The following TMEM184B variants were observed in gnomAD, a reference collection of about 807,000 sequenced individuals.
The protein encoded by TMEM184B is transmembrane protein 184B.
In TMEM184B, 17 loss-of-function variants were observed where a neutral mutation model predicts 41.8. The observed-to-expected ratio is 0.41, with a 90% CI of 0.28 to 0.61. TMEM184B has a LOEUF of 0.61. Ranked by LOEUF, TMEM184B falls within the 20% of genes least tolerant of loss-of-function variation. TMEM184B has a pLI of 0.34. For synonymous variants in TMEM184B, 240 were observed against 229.5 expected, an observed-to-expected ratio of 1.05 and a Z score of -0.41; for missense variants, 393 against 557.8, an observed-to-expected ratio of 0.70 and a Z score of 2.98.
intron 8 of TMEM184B, chr22:38,222,850 G>A (rs1029597022): frequency 1.6e-5 from 4 of 249,012 alleles, no homozygotes; most frequent in Non-Finnish European, 2.6e-5. Flanking sequence ...AGCTCCAGGT[G>A]CCTCCTGGGG....
At chr22:38,235,832 G>C (rs1414552977) in intron 3 of TMEM184B, among the ~76,000 whole-genome samples, 1 of 152,228 alleles carries the variant, frequency 6.6e-6, no homozygotes, top group Non-Finnish European at 1.5e-5. Context: ...GTGCGTGGAT[G>C]TAAGAAGAGC....
chr22:38,244,778 C>G (rs1304646455), intron 3 of TMEM184B, among the ~76,000 whole-genome samples: 1 of 152,174 alleles, frequency 6.6e-6, no homozygotes, highest in East Asian at 1.9e-4. Flanking sequence ...CTTGAGGAAC[C>G]CCTCCTCTCC....
At chr22:38,254,919 T>C (rs1389108258) in intron 1 of TMEM184B, among the ~76,000 whole-genome samples, 1 of 151,556 alleles carries the variant, frequency 6.6e-6, no homozygotes, top group African/African-American at 2.4e-5. Context: ...TGGCACCATC[T>C]TGGCTCACTG....
At chr22:38,230,626 C>T (rs749279750) in intron 5 of TMEM184B, 43 bp downstream of exon 5, 50 of 1,577,584 alleles carry the variant, frequency 3.2e-5, no homozygotes, top group South Asian at 5.7e-5. Flanking sequence ...TCCCAGACCC[C>T]GCCCTGCTCC....
chr22:38,263,884 A>G (rs2145775148), intron 1 of TMEM184B, among the ~76,000 whole-genome samples: 1 of 152,324 alleles, frequency 6.6e-6, no homozygotes, highest in South Asian at 2.1e-4. Flanking sequence ...AGCTCACTGC[A>G]ATCTTTGCCT....
Position 38,220,223 on chromosome 22 carries a change from G to C in TMEM184B, c.*1246C>G. 2.0e-6 allele frequency: 2 copies of C among 985,906 alleles called. No individual in the cohort carries two copies. The highest frequency in any genetic ancestry group is 2.4e-6 in the Non-Finnish European group (2 of 830,058). 61.1% of individuals were successfully genotyped at this position (985,906 alleles called of 1,614,324 possible). On this transcript the variant is annotated 3_prime_UTR_variant, in exon 9 of 9. Transcript: ENST00000361906. ...CCAGGTCTAGAGGTGTGGAGGGGGAGAGGAGGGGCTTGGTGGTCCTGACCA... is the reference window on the plus strand; with the variant it reads ...CCAGGTCTAGAGGTGTGGAGGGGGACAGGAGGGGCTTGGTGGTCCTGACCA...
In TMEM184B at chr22:38,221,729, G is replaced by C; in HGVS notation, c.983-19C>G. ...CAGCGGCCTGCCGGGCAGGGAGCGG[G>C]AGGGGCAGGTGAGGAGGCTGGGACG... On this transcript the variant is annotated intron_variant, in intron 8 of 8. Coordinates refer to ENST00000361906, the MANE Select transcript of TMEM184B (RefSeq NM_012264.5). The C allele has an allele frequency of 1.2e-6, 2 of 1,612,162 alleles. No homozygotes were observed. Among genetic ancestry groups the C allele is most frequent in the Non-Finnish European group, 1.7e-6 (2 of 1,179,540 alleles).
chr22:38,263,689 G>A (rs1400823641), intron 1 of TMEM184B, among the ~76,000 whole-genome samples: 1 of 152,220 alleles, frequency 6.6e-6, no homozygotes, highest in East Asian at 1.9e-4. Context: ...AGAGCTGCCG[G>A]TGAAAGTATA....
chr22:38,223,442 C>G (rs1173874765), intron 8 of TMEM184B: 3 of 152,550 alleles, frequency 2.0e-5, no homozygotes, highest in African/African-American at 7.2e-5. Context: ...ACTGGGCCAC[C>G]AGGTGGCAAC....
intron 1 of TMEM184B, 165 bp downstream of exon 1, chr22:38,272,719 T>C: frequency 1.0e-6 from 1 of 984,946 alleles, no homozygotes; most frequent in Non-Finnish European, 1.2e-6. Flanking sequence ...GGATGCCCCC[T>C]CCCTCCGCGG....
At chr22:38,266,675 T>C (rs1056925186) in intron 1 of TMEM184B, among the ~76,000 whole-genome samples, 2 of 152,378 alleles carry the variant, frequency 1.3e-5, no homozygotes, top group Non-Finnish European at 2.9e-5. Context: ...AGATAACGTG[T>C]GTTCATGCCT....
chr22:38,217,664 C>T (rs545830156), downstream of TMEM184B, among the ~76,000 whole-genome samples: 1 of 140,812 alleles, frequency 7.1e-6, no homozygotes, highest in Non-Finnish European at 1.6e-5. Flanking sequence ...AAAAACAAAA[C>T]AAAAAACAGA....
intron 3 of TMEM184B, among the ~76,000 whole-genome samples, chr22:38,240,127 G>A (rs1421873195): frequency 6.6e-6 from 1 of 151,986 alleles, no homozygotes; most frequent in Non-Finnish European, 1.5e-5. Flanking sequence ...AATAGCCAAG[G>A]ATACTGATAT....
intron 1 of TMEM184B, among the ~76,000 whole-genome samples, chr22:38,251,694 A>G (rs2092166339): frequency 1.3e-5 from 2 of 152,190 alleles, no homozygotes; most frequent in Admixed American, 1.3e-4. Context: ...CAGGTCCCAC[A>G]GGCAAGCAGG....
rs761446839 is a variant in TMEM184B, at chr22:38,224,775, T to G, written c.982+10A>C. Reference sequence around the variant, plus strand: ...TCCCAGCGGGGGTCGCCTAGGACCCTGGCTCATACCTTGTGCGTCCAGCCT... The same window carrying G: ...TCCCAGCGGGGGTCGCCTAGGACCCGGGCTCATACCTTGTGCGTCCAGCCT... On this transcript the variant is annotated intron_variant, in intron 8 of 8. Coordinates refer to ENST00000361906, the MANE Select transcript of TMEM184B (RefSeq NM_012264.5). 6.3e-7 allele frequency: 1 copy of G among 1,579,862 alleles called. No homozygotes were observed. The highest frequency in any genetic ancestry group is 1.7e-5 in the Admixed American group (1 of 57,272).
intron 3 of TMEM184B, among the ~76,000 whole-genome samples, chr22:38,237,289 A>G (rs949038415): frequency 6.6e-6 from 1 of 152,218 alleles, no homozygotes; most frequent in Non-Finnish European, 1.5e-5. Context: ...CTTTGAGAAA[A>G]GACTCAGTAC....
rs1397280493 is a variant in TMEM184B at position 38,219,673 on chromosome 22, G to A, written c.*1796C>T. The A allele has an allele frequency of 6.1e-6, 6 of 985,474 alleles. No individual in the cohort carries two copies. The East Asian group carries it at 3.4e-4, about 56-fold the overall frequency. The allele number at this position is 985,474 out of a possible 1,614,324, so 61.0% of individuals were successfully genotyped here. On this transcript the variant is annotated 3_prime_UTR_variant, in exon 9 of 9. Coordinates refer to ENST00000361906, the MANE Select transcript of TMEM184B (RefSeq NM_012264.5). ...CCCCACCCTCCACGCAAACAGCAACGCTGGGCAGGCGAAAACCAAGGGAGT... is the reference window on the plus strand; with the variant it reads ...CCCCACCCTCCACGCAAACAGCAACACTGGGCAGGCGAAAACCAAGGGAGT...
At chr22:38,229,471 G>C (rs2091548405) in intron 5 of TMEM184B, among the ~76,000 whole-genome samples, 1 of 152,230 alleles carries the variant, frequency 6.6e-6, no homozygotes, top group East Asian at 1.9e-4. Flanking sequence ...AATTATCCAA[G>C]GTCACAGAGT....
chr22:38,253,391 G>A (rs2092212496), intron 1 of TMEM184B, among the ~76,000 whole-genome samples: 1 of 152,044 alleles, frequency 6.6e-6, no homozygotes, highest in South Asian at 2.1e-4. Flanking sequence ...GCAACATAGC[G>A]AAACCCTGTC....
Sources: gnomAD v4.1 joint callset for allele counts (sites outside exome capture counted in the v4.1 genomes callset) on GRCh38, gnomAD v4.1.1 for gene constraint, MANE v1.5 for transcripts, NCBI Gene and HGNC (gene_info 2026-07-23, HGNC 2026-07-21) for gene names.